The following SNX7 variants were observed in gnomAD, a reference collection of about 807,000 sequenced individuals.
The protein encoded by SNX7 is sorting nexin-7.
A neutral mutation model predicts 48.4 loss-of-function variants in SNX7; 35 were observed. That is an observed-to-expected ratio of 0.72 (90% CI 0.55 to 0.96). The LOEUF (loss-of-function observed/expected upper bound fraction) is 0.96. SNX7 is among the 40% of genes least tolerant of loss of function. The pLI is 0.00. For synonymous variants in SNX7, 190 were observed against 190.2 expected, an observed-to-expected ratio of 1.00 and a Z score of 0.01; for missense variants, 553 against 548.9, an observed-to-expected ratio of 1.01 and a Z score of -0.07.
At chr1:98,691,312 A>G (rs993991928) in intron 3 of SNX7, 127 bp downstream of exon 3, 1 of 590,686 alleles carries the variant, frequency 1.7e-6, no homozygotes, top group Admixed American at 3.8e-5. Context: ...AATAATATTT[A>G]TTTCTAAGTG....
chr1:98,679,561 T>G (rs544233364), intron 1 of SNX7, among the ~76,000 whole-genome samples: 2 of 152,276 alleles, frequency 1.3e-5, no homozygotes, highest in East Asian at 1.9e-4. Flanking sequence ...CCTATGAGCT[T>G]CTAATATCAA....
At chr1:98,663,343 C>T (rs1649370985) in intron 1 of SNX7, among the ~76,000 whole-genome samples, 1 of 131,210 alleles carries the variant, frequency 7.6e-6, no homozygotes, top group Non-Finnish European at 1.5e-5. Flanking sequence ...CTCCAGCACC[C>T]AAAGGGTTTG....
chr1:98,725,831 T>G (rs912308438), intron 7 of SNX7, among the ~76,000 whole-genome samples: 14 of 152,214 alleles, frequency 9.2e-5, no homozygotes, highest in African/African-American at 1.7e-4. Flanking sequence ...CTGGGCTTTT[T>G]GGCTTCAACT....
intron 5 of SNX7, 71 bp from the exon 6 acceptor site, chr1:98,698,635 C>T: frequency 7.4e-7 from 1 of 1,356,930 alleles, no homozygotes; most frequent in Non-Finnish European, 1.0e-6. Context: ...CCCTTTCTTA[C>T]TCTCTAGGAT....
At chr1:98,750,072 A>T (rs1446460211) in intron 8 of SNX7, among the ~76,000 whole-genome samples, 1 of 152,018 alleles carries the variant, frequency 6.6e-6, no homozygotes, top group African/African-American at 2.4e-5. Context: ...TCCAGTTTTA[A>T]AATAAATATA....
intron 7 of SNX7, among the ~76,000 whole-genome samples, chr1:98,714,355 C>T (rs1029196552): frequency 5.3e-5 from 8 of 152,146 alleles, no homozygotes; most frequent in East Asian, 1.9e-4. Context: ...TTTTTGTGGA[C>T]GGGAAAATTG....
intron 1 of SNX7, among the ~76,000 whole-genome samples, chr1:98,675,545 C>A (rs763461202): frequency 1.3e-5 from 2 of 151,952 alleles, no homozygotes; most frequent in Non-Finnish European, 2.9e-5. Context: ...GCATTTCAAG[C>A]GGAAGAAATA....
chr1:98,756,896 C>T (rs529088530), intron 8 of SNX7, among the ~76,000 whole-genome samples: 4 of 152,132 alleles, frequency 2.6e-5, no homozygotes, highest in East Asian at 1.9e-4. Flanking sequence ...AAATGTCATC[C>T]GCAGTGTTGG....
chr1:98,704,025 A>G (rs1370952041), intron 7 of SNX7, among the ~76,000 whole-genome samples: 1 of 152,104 alleles, frequency 6.6e-6, no homozygotes, highest in Middle Eastern at 3.2e-3. Flanking sequence ...AAGCACAAGG[A>G]AAAAAATAGC....
intron 1 of SNX7, among the ~76,000 whole-genome samples, chr1:98,683,375 A>G (rs1650608235): frequency 6.6e-6 from 1 of 152,088 alleles, no homozygotes; most frequent in Non-Finnish European, 1.5e-5. Flanking sequence ...AAGATCAGCT[A>G]AGAGAGGAAA....
chr1:98,736,543 C>G (rs1653789636), intron 7 of SNX7, among the ~76,000 whole-genome samples: 1 of 152,096 alleles, frequency 6.6e-6, no homozygotes, highest in African/African-American at 2.4e-5. Context: ...GCAAAATACC[C>G]AGAAGACTAC....
chr1:98,723,557 A>G (rs1653003806), intron 7 of SNX7, among the ~76,000 whole-genome samples: 1 of 152,030 alleles, frequency 6.6e-6, no homozygotes, highest in East Asian at 1.9e-4. Flanking sequence ...TAATTTATAG[A>G]TGGGTTTTCT....
intron 1 of SNX7, among the ~76,000 whole-genome samples, chr1:98,669,394 CTA>C (rs1229765394): frequency 6.6e-6 from 1 of 152,194 alleles, no homozygotes; most frequent in Non-Finnish European, 1.5e-5. Flanking sequence ...TGCCCCCATT[CTA>C]TGTGTTCCCA....
intron 1 of SNX7, among the ~76,000 whole-genome samples, chr1:98,673,154 A>G (rs1381720621): frequency 6.6e-6 from 1 of 152,168 alleles, no homozygotes. Flanking sequence ...TTAAAAGACT[A>G]TTAGATAAAA....
chr1:98,710,915 A>G (rs1652267019), intron 7 of SNX7, among the ~76,000 whole-genome samples: 1 of 152,208 alleles, frequency 6.6e-6, no homozygotes, highest in Non-Finnish European at 1.5e-5. Flanking sequence ...ATTAACGTTT[A>G]TATATCTAGG....
At chr1:98,681,418 C>A (rs1192955779) in intron 1 of SNX7, among the ~76,000 whole-genome samples, 1 of 152,060 alleles carries the variant, frequency 6.6e-6, no homozygotes, top group Non-Finnish European at 1.5e-5. Flanking sequence ...CATAGCAAGA[C>A]CTTATCACTA....
intron 8 of SNX7, among the ~76,000 whole-genome samples, chr1:98,750,937 A>G (rs145787319): frequency 6.6e-6 from 1 of 152,194 alleles, no homozygotes; most frequent in East Asian, 1.9e-4. Context: ...TATACATTAC[A>G]TATGATTTCA....
chr1:98,736,127 C>T (rs1653769823), intron 7 of SNX7, among the ~76,000 whole-genome samples: 1 of 152,152 alleles, frequency 6.6e-6, no homozygotes, highest in African/African-American at 2.4e-5. Flanking sequence ...CTCCATCAGG[C>T]AGAAGAGGAA....
intron 1 of SNX7, among the ~76,000 whole-genome samples, chr1:98,684,418 T>C (rs1650669512): frequency 6.6e-6 from 1 of 152,176 alleles, no homozygotes; most frequent in Admixed American, 6.6e-5. Flanking sequence ...AGGGATGCTC[T>C]CAGCTTCAAG....
Sources: gnomAD v4.1 joint callset for allele counts (sites outside exome capture counted in the v4.1 genomes callset) on GRCh38, gnomAD v4.1.1 for gene constraint, MANE v1.5 for transcripts, NCBI Gene and HGNC (gene_info 2026-07-23, HGNC 2026-07-21) for gene names.